The following SLC25A21 variants were observed in gnomAD, a reference collection of about 807,000 sequenced individuals.
SLC25A21 encodes the protein mitochondrial 2-oxodicarboxylate carrier.
Under a neutral mutation model 43.8 loss-of-function variants are expected in SLC25A21, and 47 were observed. That is an observed-to-expected ratio of 1.07 (90% confidence interval 0.85 to 1.37). SLC25A21 has a LOEUF of 1.37. SLC25A21 is among the 40% of genes most tolerant of loss of function. The pLI, the probability that SLC25A21 is intolerant of heterozygous loss-of-function variation, is 0.00. For synonymous variants in SLC25A21, 131 were observed against 121.3 expected, an observed-to-expected ratio of 1.08 and a Z score of -0.52; for missense variants, 352 against 350.2, an observed-to-expected ratio of 1.00 and a Z score of -0.04.
chr14:36,877,418 C>T (rs1169467), intron 1 of SLC25A21, among the ~76,000 whole-genome samples: 123,244 of 152,160 alleles, frequency 0.81, 51,420 homozygotes, highest in Non-Finnish European at 0.92. Context: ...GATTATACTT[C>T]AGTGATTACT....
At chr14:36,818,052 C>A (rs1016729398) in intron 2 of SLC25A21, among the ~76,000 whole-genome samples, 1 of 152,114 alleles carries the variant, frequency 6.6e-6, no homozygotes, top group Non-Finnish European at 1.5e-5. Flanking sequence ...AAAGCCCTGC[C>A]TTGTAGAAGC....
intron 3 of SLC25A21, among the ~76,000 whole-genome samples, chr14:36,783,074 C>T (rs61996674): frequency 0.18 from 26,998 of 151,698 alleles, 2,787 homozygotes; most frequent in East Asian, 0.3. Flanking sequence ...TGCTGAGAGT[C>T]TTTCATAGGT....
chr14:36,934,137 C>A (rs559553650), intron 1 of SLC25A21, among the ~76,000 whole-genome samples: 1 of 151,930 alleles, frequency 6.6e-6, no homozygotes, highest in Admixed American at 6.6e-5. Flanking sequence ...TGGTTAAGCC[C>A]AAATTGTTTT....
chr14:36,860,479 G>A (rs1016379100), intron 2 of SLC25A21, among the ~76,000 whole-genome samples: 1 of 152,124 alleles, frequency 6.6e-6, no homozygotes. Context: ...GAACTAGAAC[G>A]CTGGTCTCCT....
chr14:37,005,495 T>C (rs577150248), intron 1 of SLC25A21, among the ~76,000 whole-genome samples: 2 of 152,332 alleles, frequency 1.3e-5, no homozygotes, highest in African/African-American at 4.8e-5. Flanking sequence ...TTTTCTTTTT[T>C]AGAAAATAAA....
intron 1 of SLC25A21, among the ~76,000 whole-genome samples, chr14:36,907,537 C>A (rs146655716): frequency 1.3e-5 from 2 of 152,236 alleles, no homozygotes; most frequent in East Asian, 3.9e-4. Flanking sequence ...TACAAACGTA[C>A]TAAAAATACA....
intron 1 of SLC25A21, among the ~76,000 whole-genome samples, chr14:36,939,799 G>A (rs1156424381): frequency 1.3e-5 from 2 of 152,042 alleles, no homozygotes; most frequent in African/African-American, 4.8e-5. Flanking sequence ...TTAAAAATCA[G>A]CGCCATTAGA....
chr14:36,971,833 T>C (rs568961224), intron 1 of SLC25A21, among the ~76,000 whole-genome samples: 1 of 152,318 alleles, frequency 6.6e-6, no homozygotes, highest in Non-Finnish European at 1.5e-5. Flanking sequence ...TCCTACTTTC[T>C]TCCTCAAAGT....
At chr14:36,753,636 G>T (rs1885799349) in intron 3 of SLC25A21, among the ~76,000 whole-genome samples, 2 of 152,160 alleles carry the variant, frequency 1.3e-5, no homozygotes, top group Admixed American at 1.3e-4. Context: ...GGAAGTTAAT[G>T]CTTAGTAGTT....
chr14:36,700,753 C>A (rs1369043555), intron 7 of SLC25A21, among the ~76,000 whole-genome samples: 1 of 152,154 alleles, frequency 6.6e-6, no homozygotes, highest in African/African-American at 2.4e-5. Context: ...GTAATAAATG[C>A]CTTAGCTTCC....
chr14:36,997,034 G>A (rs1233063447), intron 1 of SLC25A21, among the ~76,000 whole-genome samples: 1 of 152,066 alleles, frequency 6.6e-6, no homozygotes, highest in Non-Finnish European at 1.5e-5. Flanking sequence ...GGGAGAGTCG[G>A]CTGTGCCCTG....
intron 1 of SLC25A21, among the ~76,000 whole-genome samples, chr14:36,938,820 A>C (rs1892488323): frequency 6.6e-6 from 1 of 152,130 alleles, no homozygotes; most frequent in South Asian, 2.1e-4. Context: ...GTAATGAGTA[A>C]AACATAAATT....
At chr14:36,848,053 T>A (rs1193993337) in intron 2 of SLC25A21, among the ~76,000 whole-genome samples, 2 of 151,832 alleles carry the variant, frequency 1.3e-5, no homozygotes, top group African/African-American at 2.4e-5. Context: ...CCAACAGATG[T>A]GTGCAGTGAG....
At chr14:37,117,637 A>AG (rs1228233907) in intron 1 of SLC25A21, among the ~76,000 whole-genome samples, 1 of 152,114 alleles carries the variant, frequency 6.6e-6, no homozygotes, top group Non-Finnish European at 1.5e-5. Context: ...AAAGAGGGAG[A>AG]GGGGGGAAGT....
At chr14:36,862,272 G>T (rs553492513) in intron 2 of SLC25A21, among the ~76,000 whole-genome samples, 3 of 152,244 alleles carry the variant, frequency 2.0e-5, no homozygotes, top group African/African-American at 7.2e-5. Flanking sequence ...TATACTCAAA[G>T]GATTAGAAAT....
intron 1 of SLC25A21, among the ~76,000 whole-genome samples, chr14:37,084,467 T>C (rs1335278814): frequency 6.6e-6 from 1 of 152,244 alleles, no homozygotes; most frequent in Non-Finnish European, 1.5e-5. Context: ...GTCTACTTTT[T>C]ATTTTTCACT....
chr14:37,143,138 G>A (rs1963598978), intron 1 of SLC25A21, among the ~76,000 whole-genome samples: 1 of 152,156 alleles, frequency 6.6e-6, no homozygotes, highest in African/African-American at 2.4e-5. Flanking sequence ...GTTTACAGGT[G>A]GCCTTATAAT....
intron 1 of SLC25A21, among the ~76,000 whole-genome samples, chr14:36,932,588 C>T (rs966537924): frequency 8.6e-5 from 13 of 151,912 alleles, no homozygotes; most frequent in Non-Finnish European, 1.8e-4. Context: ...CATTTTGTTG[C>T]ATTTCTTAAC....
chr14:36,874,724 G>A (rs901935548), intron 2 of SLC25A21, among the ~76,000 whole-genome samples: 6 of 152,046 alleles, frequency 3.9e-5, no homozygotes, highest in Admixed American at 1.3e-4. Context: ...CATATCTTAC[G>A]GTTGTCATAT....
Sources: allele counts gnomAD v4.1 joint callset (sites outside exome capture counted in the v4.1 genomes callset), GRCh38; gene constraint gnomAD v4.1.1; transcripts MANE v1.5; gene names NCBI Gene and HGNC (gene_info 2026-07-23, HGNC 2026-07-21).